The following NFIB variants were observed in gnomAD, a reference collection of about 807,000 sequenced individuals.
NFIB encodes the protein nuclear factor I B, also known as nuclear factor 1 B-type.
In NFIB, 11 loss-of-function variants were observed where a neutral mutation model predicts 61.5. The observed-to-expected ratio is 0.18, with a 90% confidence interval of 0.11 to 0.30. NFIB has a LOEUF of 0.30. Among genes scored for constraint, NFIB ranks in the 10% least tolerant of loss-of-function variants. The pLI, the probability that NFIB is intolerant of heterozygous loss-of-function variation, is 1.00. For missense variants in NFIB, 471 were observed against 608.9 expected (o/e 0.77, Z 2.38); for synonymous variants, 260 against 216.5 (o/e 1.20, Z -1.76).
intron 1 of NFIB, chr9:14,361,417 A>C (rs1297124041): frequency 1.3e-5 from 2 of 152,234 alleles, no homozygotes; most frequent in Non-Finnish European, 2.9e-5. Context: ...ATATCATATT[A>C]TTCTTCAGCA....
chr9:14,252,867 G>A (rs2055799649), intron 2 of NFIB, among the ~76,000 whole-genome samples: 2 of 149,994 alleles, frequency 1.3e-5, no homozygotes, highest in Admixed American at 6.7e-5. Flanking sequence ...ATTAAACTCA[G>A]GTAAACTTCT....
the NFIB span, among the ~76,000 whole-genome samples, chr9:14,493,126 C>G: frequency 6.6e-6 from 1 of 152,210 alleles, no homozygotes; most frequent in Non-Finnish European, 1.5e-5. Flanking sequence ...TGCTCTCTCT[C>G]TTTTATTACA....
the NFIB span, among the ~76,000 whole-genome samples, chr9:14,424,517 G>A: frequency 1.3e-5 from 2 of 152,102 alleles, no homozygotes; most frequent in African/African-American, 2.4e-5. Flanking sequence ...CAGTTTACGC[G>A]GGGCGACCTG....
chr9:14,478,656 A>C, the NFIB span, among the ~76,000 whole-genome samples: 4 of 152,242 alleles, frequency 2.6e-5, no homozygotes, highest in Admixed American at 1.3e-4. Context: ...AACTTAAATC[A>C]ACCTTACTCT....
At chr9:14,164,574 C>T (rs543247768) in intron 3 of NFIB, among the ~76,000 whole-genome samples, 3 of 151,916 alleles carry the variant, frequency 2.0e-5, no homozygotes, top group African/African-American at 2.4e-5. Flanking sequence ...ACATGACATA[C>T]AAATATAAAA....
chr9:14,275,934 C>G (rs2057965558), intron 2 of NFIB, among the ~76,000 whole-genome samples: 1 of 150,402 alleles, frequency 6.6e-6, no homozygotes, highest in African/African-American at 2.4e-5. Context: ...AACTCTGAAA[C>G]TAGGAAGGAA....
At chr9:14,509,662 T>C in the NFIB span, among the ~76,000 whole-genome samples, 1 of 152,168 alleles carries the variant, frequency 6.6e-6, no homozygotes, top group Non-Finnish European at 1.5e-5. Context: ...TGGAAGTTAT[T>C]CTGTCTGTCA....
At chr9:14,172,561 T>C (rs1441047442) in intron 3 of NFIB, among the ~76,000 whole-genome samples, 1 of 152,218 alleles carries the variant, frequency 6.6e-6, no homozygotes. Flanking sequence ...GAGATTTATG[T>C]AACAAAAGTC....
At chr9:14,277,646 T>C (rs1218766271) in intron 2 of NFIB, among the ~76,000 whole-genome samples, 5 of 152,204 alleles carry the variant, frequency 3.3e-5, no homozygotes, top group Admixed American at 6.5e-5. Flanking sequence ...TCACTTGCCA[T>C]AGATTAGAAG....
intron 2 of NFIB, among the ~76,000 whole-genome samples, chr9:14,214,777 T>C (rs2050676405): frequency 6.6e-6 from 1 of 152,256 alleles, no homozygotes; most frequent in Non-Finnish European, 1.5e-5. Context: ...AAATTCATCA[T>C]TTATTTTACT....
At chr9:14,349,014 C>A (rs949500350) in intron 1 of NFIB, among the ~76,000 whole-genome samples, 1 of 152,228 alleles carries the variant, frequency 6.6e-6, no homozygotes, top group Non-Finnish European at 1.5e-5. Context: ...TCTTGAAATT[C>A]GGAAAACTCC....
the NFIB span, among the ~76,000 whole-genome samples, chr9:14,527,211 T>C: frequency 6.6e-6 from 1 of 152,134 alleles, no homozygotes; most frequent in Non-Finnish European, 1.5e-5. Context: ...AAAGTATAAT[T>C]TCTCTGTGAC....
chr9:14,137,336 C>T (rs953145374), intron 6 of NFIB, among the ~76,000 whole-genome samples: 2 of 152,124 alleles, frequency 1.3e-5, no homozygotes, highest in African/African-American at 2.4e-5. Context: ...GCAAAATATA[C>T]GGGGCCTCCA....
intron 1 of NFIB, among the ~76,000 whole-genome samples, chr9:14,379,699 G>A (rs2061461759): frequency 6.6e-6 from 1 of 151,494 alleles, no homozygotes; most frequent in Non-Finnish European, 1.5e-5. Flanking sequence ...ATTTATTTTT[G>A]GAGATGGAGT....
the NFIB span, among the ~76,000 whole-genome samples, chr9:14,469,598 T>C: frequency 1.8e-4 from 27 of 152,170 alleles, no homozygotes; most frequent in Admixed American, 1.3e-4. Context: ...CTGATACGAA[T>C]TGGTTGGAAG....
At chr9:14,413,703 C>G in the NFIB span, among the ~76,000 whole-genome samples, 2 of 152,146 alleles carry the variant, frequency 1.3e-5, no homozygotes, top group Non-Finnish European at 2.9e-5. Flanking sequence ...GGCTTCCCAC[C>G]AGCTTGGGAC....
Position 14,340,737 on chromosome 9 carries a change from T to G in NFIB, c.109-33217A>C, listed in dbSNP as rs570636460. 1.5e-3 allele frequency among the ~76,000 whole-genome samples: 234 copies of G among 152,350 alleles called. 1 individual carries two copies. The highest frequency in any genetic ancestry group is 5.4e-3 in the African/African-American group (225 of 41,582). ...TGATGTGGTTTGGAATCTATTAATC[T>G]GGTGGTGGTATTTATGCCTGGCATT... On this transcript the variant is annotated intron_variant, in intron 1 of 8. Transcript: ENST00000380934.
intron 1 of NFIB, among the ~76,000 whole-genome samples, chr9:14,326,438 A>G (rs1274101823): frequency 6.6e-6 from 1 of 152,220 alleles, no homozygotes; most frequent in East Asian, 1.9e-4. Flanking sequence ...GGGTACAAAA[A>G]TAAATATACA....
chr9:14,363,100 G>A (rs2061258680), intron 1 of NFIB, among the ~76,000 whole-genome samples: 1 of 152,122 alleles, frequency 6.6e-6, no homozygotes, highest in African/African-American at 2.4e-5. Flanking sequence ...ATGGGGATCT[G>A]CTAGAGAAAT....
Sources: gnomAD v4.1 joint callset for allele counts (sites outside exome capture counted in the v4.1 genomes callset) on GRCh38, gnomAD v4.1.1 for gene constraint, MANE v1.5 for transcripts, NCBI Gene and HGNC (gene_info 2026-07-23, HGNC 2026-07-21) for gene names.